The following RGS6 variants were observed in gnomAD, a reference collection of about 807,000 sequenced individuals.
RGS6 encodes regulator of G protein signaling 6, also known as regulator of G-protein signaling 6.
In RGS6, 30 loss-of-function variants were observed where a neutral mutation model predicts 78.5. The ratio of observed to expected loss-of-function variants is 0.38; its 90% confidence interval spans 0.29 to 0.52. The LOEUF is 0.52. Ranked by LOEUF, RGS6 falls within the 20% of genes least tolerant of loss-of-function variation. The pLI is 0.85. For missense variants in RGS6, 495 were observed against 609.7 expected, an observed-to-expected ratio of 0.81 and a Z score of 1.98; for synonymous variants, 206 against 206.0, an observed-to-expected ratio of 1.00 and a Z score of 0.00.
chr14:72,412,413 T>A (rs1330807177), intron 3 of RGS6, among the ~76,000 whole-genome samples: 1 of 152,196 alleles, frequency 6.6e-6, no homozygotes, highest in African/African-American at 2.4e-5. Flanking sequence ...AGTGGTGATA[T>A]CCCCTTTGTC....
intron 15 of RGS6, among the ~76,000 whole-genome samples, chr14:72,533,074 T>C (rs530923930): frequency 3.5e-4 from 53 of 152,380 alleles, no homozygotes; most frequent in African/African-American, 1.3e-3. Context: ...GAGAAGTCCA[T>C]GCCTGGCTTC....
At chr14:72,425,195 G>C (rs2094384493) in intron 3 of RGS6, among the ~76,000 whole-genome samples, 2 of 152,118 alleles carry the variant, frequency 1.3e-5, no homozygotes, top group African/African-American at 4.8e-5. Flanking sequence ...CTAGAGTGTA[G>C]TGGTACAATC....
chr14:72,058,621 C>T (rs907454550), intron 2 of RGS6, among the ~76,000 whole-genome samples: 2 of 151,838 alleles, frequency 1.3e-5, no homozygotes, highest in African/African-American at 2.4e-5. Context: ...AATTGAAGTT[C>T]AGAGAGATGA....
chr14:71,976,603 A>G (rs550140872), intron 2 of RGS6, among the ~76,000 whole-genome samples: 45 of 152,078 alleles, frequency 3.0e-4, no homozygotes, highest in African/African-American at 9.4e-4. Context: ...ATTCTTTTTT[A>G]TGGCTGCATA....
chr14:72,023,217 A>G (rs1386345929), intron 2 of RGS6, among the ~76,000 whole-genome samples: 1 of 152,244 alleles, frequency 6.6e-6, no homozygotes, highest in Non-Finnish European at 1.5e-5. Context: ...TGGGAGATGT[A>G]CATATTTCAC....
chr14:72,103,686 T>C (rs999387084), intron 2 of RGS6, among the ~76,000 whole-genome samples: 2 of 152,186 alleles, frequency 1.3e-5, no homozygotes, highest in African/African-American at 4.8e-5. Context: ...CAGATTGAAA[T>C]GAATAGGCCT....
intron 17 of RGS6, chr14:72,550,334 G>C: frequency 2.6e-6 from 2 of 763,104 alleles, no homozygotes; most frequent in South Asian, 2.9e-5. Flanking sequence ...GGAGAGGGAA[G>C]GCAGGGAGGC....
chr14:72,415,463 A>C (rs1332957315), intron 3 of RGS6, among the ~76,000 whole-genome samples: 3 of 152,212 alleles, frequency 2.0e-5, no homozygotes, highest in African/African-American at 7.2e-5. Context: ...CTAGGAAGGG[A>C]ATTTCCTGAC....
chr14:71,977,642 A>G (rs2094206957), intron 2 of RGS6, among the ~76,000 whole-genome samples: 1 of 150,258 alleles, frequency 6.7e-6, no homozygotes, highest in South Asian at 2.1e-4. Flanking sequence ...TGGTACCAGT[A>G]CCATGCTGTT....
chr14:71,913,894 T>A, the RGS6 span, among the ~76,000 whole-genome samples: 1 of 152,350 alleles, frequency 6.6e-6, no homozygotes, highest in South Asian at 2.1e-4. Flanking sequence ...AGCTTCCTAA[T>A]TGGTAATTAA....
At chr14:72,124,511 T>C (rs1310061652) in intron 2 of RGS6, among the ~76,000 whole-genome samples, 1 of 152,200 alleles carries the variant, frequency 6.6e-6, no homozygotes, top group Non-Finnish European at 1.5e-5. Context: ...CAAATTACTG[T>C]AGGATGTCTC....
At chr14:72,629,528 G>T in the RGS6 span, 1 of 1,211,084 alleles carries the variant, frequency 8.3e-7, no homozygotes, top group Non-Finnish European at 1.2e-6. Context: ...ACAGGCCCCA[G>T]GGGCCTAGTG....
chr14:72,187,760 T>C (rs1316883640), intron 2 of RGS6, among the ~76,000 whole-genome samples: 1 of 152,192 alleles, frequency 6.6e-6, no homozygotes, highest in Non-Finnish European at 1.5e-5. Flanking sequence ...GGGGAAATCA[T>C]AAAACAGTCA....
At chr14:72,217,200 A>G (rs780228646) in intron 2 of RGS6, among the ~76,000 whole-genome samples, 15 of 152,210 alleles carry the variant, frequency 9.9e-5, no homozygotes, top group Non-Finnish European at 1.0e-4. Context: ...GTGGTGGGAA[A>G]GGAACAGATT....
chr14:72,056,140 C>G (rs1172220572), intron 2 of RGS6, among the ~76,000 whole-genome samples: 1 of 152,162 alleles, frequency 6.6e-6, no homozygotes, highest in Non-Finnish European at 1.5e-5. Flanking sequence ...TGGATAAAAA[C>G]TGCCTCATAA....
intron 2 of RGS6, among the ~76,000 whole-genome samples, chr14:72,015,222 GGAGAGAAAGA>G (rs1296422204): frequency 6.6e-6 from 1 of 152,162 alleles, no homozygotes; most frequent in Non-Finnish European, 1.5e-5. Flanking sequence ...CAGGAGGGGA[GGAGAGAAAGA>G]GAGAGAAAGG....
At chr14:72,380,019 A>G (rs2152880461) in intron 3 of RGS6, among the ~76,000 whole-genome samples, 1 of 152,188 alleles carries the variant, frequency 6.6e-6, no homozygotes, top group East Asian at 1.9e-4. Context: ...CCACATATCT[A>G]TAGCCAACTG....
chr14:72,485,967 A>G (rs557183471), intron 12 of RGS6, among the ~76,000 whole-genome samples: 2 of 152,236 alleles, frequency 1.3e-5, no homozygotes, highest in East Asian at 3.9e-4. Flanking sequence ...TCTCATCTTG[A>G]ATTGTAGTTC....
At chr14:72,407,157 T>C (rs1053757937) in intron 3 of RGS6, among the ~76,000 whole-genome samples, 5 of 152,238 alleles carry the variant, frequency 3.3e-5, no homozygotes, top group African/African-American at 9.6e-5. Flanking sequence ...TGTTCCTCTC[T>C]TAAAAGCTGG....
Sources: gnomAD v4.1 joint callset for allele counts (sites outside exome capture counted in the v4.1 genomes callset) on GRCh38, gnomAD v4.1.1 for gene constraint, MANE v1.5 for transcripts, NCBI Gene and HGNC (gene_info 2026-07-23, HGNC 2026-07-21) for gene names.